The following TMEM94 variants were observed in gnomAD, a reference collection of about 807,000 sequenced individuals.
The protein encoded by TMEM94 is transmembrane protein 94, also known as ER Mg2+ ATPase.
A neutral mutation model predicts 158.6 loss-of-function variants in TMEM94; 81 were observed. That is an observed-to-expected ratio of 0.51 (90% CI 0.43 to 0.61). The LOEUF is 0.61. TMEM94 is among the 20% of genes least tolerant of loss of function. The pLI is 0.00. For missense variants in TMEM94, 1,435 were observed against 1,762.0 expected (o/e 0.81, Z 3.32); for synonymous variants, 751 against 730.7 (o/e 1.03, Z -0.45).
Position 75,496,271 on chromosome 17 carries a change from AC to A in TMEM94, c.3054-8del, listed in dbSNP as rs762846300. 1.2e-5 allele frequency: 19 copies of A among 1,613,926 alleles called. No individual in the cohort carries two copies. In the African/African-American group the frequency reaches 1.5e-4, roughly 12 times the overall value. Reference sequence around the variant, plus strand: ...TACAGCTGAAGTGTGTGTGTCCCCCACCCTGAGCAGCATTGCCCTGGATCCC... The same window carrying A: ...TACAGCTGAAGTGTGTGTGTCCCCCACCTGAGCAGCATTGCCCTGGATCCC... On this transcript the variant is annotated splice_polypyrimidine_tract_variant and intron_variant, in intron 23 of 31. Coordinates refer to ENST00000314256, the MANE Select transcript of TMEM94 (RefSeq NM_014738.6).
intron 2 of TMEM94, among the ~76,000 whole-genome samples, chr17:75,484,862 C>A (rs1380448653): frequency 6.6e-6 from 1 of 151,998 alleles, no homozygotes; most frequent in Non-Finnish European, 1.5e-5. Context: ...CATGATGAAA[C>A]CTCGTCTCCA....
At chr17:75,483,109 C>T (rs959344345) in intron 2 of TMEM94, among the ~76,000 whole-genome samples, 1 of 152,122 alleles carries the variant, frequency 6.6e-6, no homozygotes, top group Non-Finnish European at 1.5e-5. Flanking sequence ...ACGTGATTCT[C>T]GCTGGGAAAC....
rs1598399604 is a variant in TMEM94 at position 75,489,033 on chromosome 17, C to T, written c.764+123C>T. ...TTGAGGGCAGGCATCTCCTTAGGCT[C>T]CTGTCCTTAACATCTTGTGAGAATT... On this transcript the variant is annotated intron_variant, in intron 7 of 31. Coordinates refer to ENST00000314256, the MANE Select transcript of TMEM94 (RefSeq NM_014738.6). This position sits in a 1 kb window ranked among gnomAD's most constrained non-coding sequence, Gnocchi z 5.0. 1 of 1,099,066 alleles carries T rather than the reference C, an allele frequency of 9.1e-7. No individual in the cohort carries two copies. 68.1% of individuals were successfully genotyped at this position (1,099,066 alleles called of 1,614,324 possible). A position where few individuals can be genotyped will look rare whatever the true frequency, so the allele number is the denominator to read the frequency against.
chr17:75,495,305 G>A lies in TMEM94; in HGVS notation c.2750G>A (p.Gly917Glu). The A allele has an allele frequency of 6.2e-7, 1 of 1,610,820 alleles. No individual in the cohort carries two copies. Among genetic ancestry groups the A allele is most frequent in the South Asian group, 1.1e-5 (1 of 90,956 alleles). The change falls in exon 21 of 32, where the codon GGG becomes GAG. Residue 917 changes from glycine to glutamate, a missense_variant. Around this residue, in one of 3 missense-constraint regions of TMEM94, gnomAD observed 1,051 missense variants for 1,254.4 expected, o/e 0.84. Coordinates refer to ENST00000314256, the MANE Select transcript of TMEM94 (RefSeq NM_014738.6). This position sits in a 1 kb window ranked among gnomAD's most constrained non-coding sequence, Gnocchi z 5.6. The stretch of plus-strand genomic sequence containing the variant: ...ACAGTGTCCCGAGATGATGCAGAAG[G>A]GCTCCTCCTCATGGAGGAGGAGGGC... ...LNQVSRDDAE[G>E]LLLMEEEGHS...
intron 2 of TMEM94, 76 bp downstream of exon 2, chr17:75,472,005 G>T: frequency 6.6e-7 from 1 of 1,510,066 alleles, no homozygotes; most frequent in Non-Finnish European, 9.2e-7. Context: ...TTTTTGCCTG[G>T]GAGATCCTTA....
chr17:75,498,424 C>T lies in TMEM94; in HGVS notation c.3639-20C>T. 6.3e-7 allele frequency: 1 copy of T among 1,595,140 alleles called. No homozygotes were observed. Among genetic ancestry groups the T allele is most frequent in the East Asian group, 2.2e-5 (1 of 44,604 alleles). On this transcript the variant is annotated intron_variant, in intron 28 of 31. Coordinates refer to ENST00000314256, the MANE Select transcript of TMEM94 (RefSeq NM_014738.6). The surrounding 1 kb of genome is among the most constrained non-coding windows in gnomAD (Gnocchi z 6.7). Reference sequence around the variant, plus strand: ...TCCCTGCGGCCCTAGAGGGGCTGAGCCCATGCCTCACTTTGGCAGCAACGA... The same window carrying T: ...TCCCTGCGGCCCTAGAGGGGCTGAGTCCATGCCTCACTTTGGCAGCAACGA...
intron 10 of TMEM94, 144 bp downstream of exon 10, chr17:75,490,494 C>G (rs775907895): frequency 2.0e-6 from 2 of 1,010,334 alleles, no homozygotes; most frequent in Non-Finnish European, 2.9e-6. Context: ...CTCGGGCCCT[C>G]TCCATTCCAG....
rs752390282 is a variant in TMEM94, at chr17:75,496,766, C to T, written c.3280C>T (p.Leu1094Phe). Residue 1094 changes from leucine (L) to phenylalanine (F), a missense_variant, in exon 25 of 32, where the codon CTC (leucine) becomes TTC (phenylalanine). By Grantham distance (22) the Leu-to-Phe change is conservative. Transcript: ENST00000314256. ...CACCTATGGCATCCGTAAGTGCTTC[C>T]TCTTCCTGCTGCAGTGCCAGCTGAC... ...HATYGIRKCF[L>F]FLLQCQLTLV... 1.2e-6 allele frequency: 2 copies of T among 1,613,976 alleles called. No homozygotes were observed. The highest frequency in any genetic ancestry group is 1.7e-5 in the Admixed American group (1 of 60,034).
chr17:75,494,872 T>G (rs2052536941), intron 19 of TMEM94, 24 bp from the exon 20 acceptor site: 1 of 1,613,522 alleles, frequency 6.2e-7, no homozygotes, highest in East Asian at 2.2e-5. Context: ...GGCCCGTATG[T>G]TCATGGCCGT....
chr17:75,463,533 A>T (rs1289416276), intron 1 of TMEM94, among the ~76,000 whole-genome samples: 2 of 152,100 alleles, frequency 1.3e-5, no homozygotes, highest in East Asian at 3.9e-4. Context: ...CAGAAATCAG[A>T]CTTCCTCGTC....
chr17:75,491,577 A>G lies in TMEM94; in HGVS notation c.1387-114A>G. The G allele has an allele frequency of 6.4e-7, 1 of 1,562,344 alleles. No homozygotes were observed. The highest frequency in any genetic ancestry group is 1.4e-5 in the African/African-American group (1 of 73,902). On this transcript the variant is annotated intron_variant, in intron 13 of 31. Transcript: ENST00000314256. This position sits in a 1 kb window ranked among gnomAD's most constrained non-coding sequence, Gnocchi z 5.1. ...GAAGGAGGGTTTGGGCACCATTAGG[A>G]TCTGCTTCTGGGCAGGTGAGGTGAA...
rs199598980 is a variant in TMEM94 at position 75,490,690 on chromosome 17, C to G, written c.1072-12C>G. 4.0e-4 allele frequency: 653 copies of G among 1,613,776 alleles called. 2 individuals carry two copies. In the African/African-American group the frequency reaches 7.8e-3, roughly 19 times the overall value. On this transcript the variant is annotated splice_polypyrimidine_tract_variant and intron_variant, in intron 10 of 31. Coordinates refer to ENST00000314256, the MANE Select transcript of TMEM94 (RefSeq NM_014738.6). ...TTTTCCTCACTGAGGACCTCACCCTCTCTCCGTGCAGCTGGCTAAGTTCTC... is the reference window on the plus strand; with the variant it reads ...TTTTCCTCACTGAGGACCTCACCCTGTCTCCGTGCAGCTGGCTAAGTTCTC...
intron 23 of TMEM94, 89 bp downstream of exon 23, chr17:75,496,163 C>A: frequency 6.6e-7 from 1 of 1,525,434 alleles, no homozygotes; most frequent in Non-Finnish European, 9.0e-7. Flanking sequence ...GGGGTGTGTA[C>A]TATAGCCGAC....
Position 75,491,844 on chromosome 17 carries a change from G to A in TMEM94, c.1540G>A (p.Gly514Ser). ...KAHGRSKHPS[G>S]SNVSFSRDTE... ...GCATGGCCGCAGCAAACACCCATCTGGCTCCAACGTGAGCTTCAGCAGGGA... is the reference window on the plus strand; with the variant it reads ...GCATGGCCGCAGCAAACACCCATCTAGCTCCAACGTGAGCTTCAGCAGGGA... The change falls in exon 14 of 32, where the codon GGC becomes AGC. Residue 514 changes from glycine (G) to serine (S), a missense_variant. Physicochemically the swap from Gly to Ser is moderately conservative, Grantham distance 56 (BLOSUM62 0). Around this residue, in one of 3 missense-constraint regions of TMEM94, gnomAD observed 1,051 missense variants for 1,254.4 expected, o/e 0.84. Transcript: ENST00000314256. The surrounding 1 kb of genome is among the most constrained non-coding windows in gnomAD (Gnocchi z 5.1). The A allele has an allele frequency of 6.2e-7, 1 of 1,614,046 alleles. No individual in the cohort carries two copies. The highest frequency in any genetic ancestry group is 1.3e-5 in the African/African-American group (1 of 75,052).
At chr17:75,482,958 G>T (rs745439921) in intron 2 of TMEM94, among the ~76,000 whole-genome samples, 17 of 152,184 alleles carry the variant, frequency 1.1e-4, no homozygotes, top group Non-Finnish European at 1.8e-4. Context: ...TAAGGTGCAG[G>T]CTGCAGGCCA....
At chr17:75,483,358 C>A (rs2051324750) in intron 2 of TMEM94, among the ~76,000 whole-genome samples, 1 of 151,900 alleles carries the variant, frequency 6.6e-6, no homozygotes, top group African/African-American at 2.4e-5. Flanking sequence ...AAGCATAAGG[C>A]CAGGGTCAAG....
At position 75,471,785 on chromosome 17, in the gene TMEM94, C is replaced by T. The variant is rs1014160745; in HGVS notation, c.-106-15C>T. On this transcript the variant is annotated splice_polypyrimidine_tract_variant and intron_variant, in intron 1 of 31. Coordinates refer to ENST00000314256, the MANE Select transcript of TMEM94 (RefSeq NM_014738.6). ...TTCCAGCAACCTGAGTGATTTCTTT[C>T]TTCTTTTTCCCCAGATGTTGTGACT... is the stretch of plus-strand genomic sequence containing the variant. 8.6e-5 allele frequency: 83 copies of T among 959,602 alleles called. No homozygotes were observed. The highest frequency in any genetic ancestry group is 3.1e-4 in the South Asian group (22 of 70,740). The allele number at this position is 959,602 out of a possible 1,614,324, so 59.4% of individuals were successfully genotyped here. A position where few individuals can be genotyped will look rare whatever the true frequency, so the allele number is the denominator to read the frequency against.
intron 1 of TMEM94, among the ~76,000 whole-genome samples, chr17:75,467,849 AC>A (rs1346242295): frequency 1.3e-5 from 2 of 151,446 alleles, no homozygotes; most frequent in East Asian, 3.9e-4. Context: ...TTTTTCTTCC[AC>A]CTTGCTTTTG....
At position 75,495,254 on chromosome 17, in the gene TMEM94, A is replaced by G. The variant is rs1333183247; in HGVS notation, c.2729-30A>G. ...GACAGGTTCCCAGAAGGCTGGTCCC[A>G]AGGTGAGGGAGAGGCTTTTGTCCCC... On this transcript the variant is annotated intron_variant, in intron 20 of 31. Coordinates refer to ENST00000314256, the MANE Select transcript of TMEM94 (RefSeq NM_014738.6). The surrounding 1 kb of genome is among the most constrained non-coding windows in gnomAD (Gnocchi z 5.6). 1 of 1,548,030 alleles carries G rather than the reference A, an allele frequency of 6.5e-7. No individual in the cohort carries two copies. The highest frequency in any genetic ancestry group is 8.8e-7 in the Non-Finnish European group (1 of 1,132,712).
Sources: gnomAD v4.1 joint callset for allele counts (sites outside exome capture counted in the v4.1 genomes callset) on GRCh38, gnomAD v4.1.1 for gene constraint, gnomAD v4.1.1 regional missense constraint, Gnocchi (gnomAD v3.1) non-coding constraint, MANE v1.5 for transcripts, NCBI Gene and HGNC (gene_info 2026-07-23, HGNC 2026-07-21) for gene names.